Variants in WT1 observed in about 807,000 individuals in gnomAD.
The protein encoded by WT1 is WT1 transcription factor, also known as Wilms tumor protein.
A neutral mutation model predicts 60.8 loss-of-function variants in WT1; 8 were observed. That is an observed-to-expected ratio of 0.13 (90% CI 0.08 to 0.24). The LOEUF is 0.24. Among genes scored for constraint, WT1 ranks in the 10% least tolerant of loss-of-function variants. The pLI, the probability that WT1 is intolerant of heterozygous loss-of-function variation, is 1.00. For missense variants in WT1, 568 were observed against 711.8 expected (o/e 0.80, Z 2.30); for synonymous variants, 312 against 297.1 (o/e 1.05, Z -0.52).
At chr11:32,431,052 G>A (rs576486757) in intron 1 of WT1, among the ~76,000 whole-genome samples, 2 of 152,148 alleles carry the variant, frequency 1.3e-5, no homozygotes, top group Non-Finnish European at 2.9e-5. Context: ...GTCCCGGCCC[G>A]GGAGGGGAGC....
At chr11:32,429,462 T>TTCC (rs1491447843) in intron 1 of WT1, among the ~76,000 whole-genome samples, 3 of 124,626 alleles carry the variant, frequency 2.4e-5, no homozygotes, top group Admixed American at 8.4e-5. Context: ...ATCCTAGCAT[T>TTCC]CCCCCCCCCC....
At chr11:32,430,101 G>C (rs1399140670) in intron 1 of WT1, among the ~76,000 whole-genome samples, 1 of 152,050 alleles carries the variant, frequency 6.6e-6, no homozygotes, top group Non-Finnish European at 1.5e-5. Context: ...CTCCCGGATA[G>C]TACAGGTCCA....
At chr11:32,391,341 C>A in intron 9 of WT1, among the ~76,000 whole-genome samples, 1 of 152,314 alleles carries the variant, frequency 6.6e-6, no homozygotes, top group Non-Finnish European at 1.5e-5. Context: ...TAAATATTAA[C>A]GCTCTTTCCA....
chr11:32,403,261 A>G (rs1259785771), intron 5 of WT1, among the ~76,000 whole-genome samples: 1 of 152,074 alleles, frequency 6.6e-6, no homozygotes, highest in Non-Finnish European at 1.5e-5. Context: ...ACACTTCCCA[A>G]TGTAGTGTGC....
chr11:32,407,027 A>C (rs966407456), intron 5 of WT1, among the ~76,000 whole-genome samples: 4 of 152,108 alleles, frequency 2.6e-5, no homozygotes, highest in African/African-American at 9.7e-5. Flanking sequence ...TGAATCCGGG[A>C]GGCAGAGTTT....
intron 5 of WT1, among the ~76,000 whole-genome samples, chr11:32,408,514 T>TAAAAAAAAAAAAA (rs58685266): frequency 6.7e-5 from 5 of 74,234 alleles, no homozygotes; most frequent in Admixed American, 1.6e-4. Context: ...GACTACGTCT[T>TAAAAAAAAAAAAA]AAAAAAAAAA....
At position 32,429,462 on chromosome 11, in the gene WT1, T is replaced by TCCC. The variant is rs10580209; in HGVS notation, c.662-846_662-844dup. ...TTTCCCCCTAGGGAAATCCTAGCAT[T>TCCC]CCCCCCCCCCCCCAAAGTGAGAAAA... On this transcript the variant is annotated intron_variant, in intron 1 of 9. Coordinates refer to ENST00000452863, the MANE Select transcript of WT1 (RefSeq NM_024426.6). Among the ~76,000 whole-genome samples, 13 of 124,712 alleles carry TCCC rather than the reference T, an allele frequency of 1.0e-4. 1 individual carries two copies. The highest frequency in any genetic ancestry group is 4.6e-4 in the East Asian group (2 of 4,362). The allele number at this position is 124,712 out of a possible 152,430, so 81.8% of individuals were successfully genotyped here. A position where few individuals can be genotyped will look rare whatever the true frequency, so the allele number is the denominator to read the frequency against.
chr11:32,419,709 C>T (rs1166492198), intron 3 of WT1, among the ~76,000 whole-genome samples: 1 of 152,030 alleles, frequency 6.6e-6, no homozygotes, highest in Middle Eastern at 3.2e-3. Context: ...CATTTTTTTC[C>T]GTTAGACGGA....
chr11:32,413,404 T>C (rs1346414280), intron 5 of WT1, among the ~76,000 whole-genome samples: 1 of 152,212 alleles, frequency 6.6e-6, no homozygotes, highest in Non-Finnish European at 1.5e-5. Context: ...TTTCATACCA[T>C]GGCAAAAGAA....
chr11:32,414,872 CAAAAAAA>C (rs551997180), intron 5 of WT1, among the ~76,000 whole-genome samples: 7 of 88,750 alleles, frequency 7.9e-5, no homozygotes, highest in Middle Eastern at 6.5e-3. Context: ...GACTCCATAT[CAAAAAAA>C]AAAAAAAAAA....
intron 1 of WT1, among the ~76,000 whole-genome samples, chr11:32,433,824 C>T (rs981704753): frequency 1.3e-5 from 2 of 152,202 alleles, no homozygotes; most frequent in African/African-American, 2.4e-5. Context: ...AGCGAATAAC[C>T]CTGTCCTTGT....
intron 3 of WT1, among the ~76,000 whole-genome samples, chr11:32,419,322 T>C (rs1013845288): frequency 6.6e-6 from 1 of 152,206 alleles, no homozygotes; most frequent in African/African-American, 2.4e-5. Context: ...CTGCGCCTTT[T>C]CATCAAGCAA....
Position 32,388,454 on chromosome 11 carries a change from T to G in WT1, c.*604A>C, listed in dbSNP as rs766220081. 3.4e-5 allele frequency: 8 copies of G among 237,772 alleles called. No individual in the cohort carries two copies. The highest frequency in any genetic ancestry group is 6.6e-5 in the Non-Finnish European group (8 of 120,374). The allele number at this position is 237,772 out of a possible 1,614,324, so 14.7% of individuals were successfully genotyped here. On this transcript the variant is annotated 3_prime_UTR_variant, in exon 10 of 10. Coordinates refer to ENST00000452863, the MANE Select transcript of WT1 (RefSeq NM_024426.6). ...ATACAGAGGTACTGGTTAGTTCTGATTTTTTCTTCAGCTGCTTGAAATGCA... is the reference window on the plus strand; with the variant it reads ...ATACAGAGGTACTGGTTAGTTCTGAGTTTTTCTTCAGCTGCTTGAAATGCA...
chr11:32,392,135 C>A, intron 8 of WT1, 71 bp from the exon 9 acceptor site: 2 of 1,411,770 alleles, frequency 1.4e-6, no homozygotes. Context: ...AGGCTGACTT[C>A]CGGCAGCTGG....
chr11:32,428,412 T>C, intron 2 of WT1, 85 bp downstream of exon 2: 1 of 1,602,418 alleles, frequency 6.2e-7, no homozygotes, highest in Admixed American at 1.7e-5. Flanking sequence ...CTTTGCCTAA[T>C]TTGCTGTGGG....
intron 3 of WT1, among the ~76,000 whole-genome samples, chr11:32,423,024 C>T (rs1212855839): frequency 2.0e-5 from 3 of 152,244 alleles, no homozygotes; most frequent in African/African-American, 7.2e-5. Flanking sequence ...GGACTGGGGT[C>T]TCCGAGGAAG....
At chr11:32,434,576 C>G in intron 1 of WT1, 124 bp downstream of exon 1, 2 of 1,537,072 alleles carry the variant, frequency 1.3e-6, no homozygotes. Context: ...GCTATCCTCA[C>G]GGCCCTTGGG....
At chr11:32,389,324 T>C (rs1231392490) in intron 9 of WT1, 145 bp from the exon 10 acceptor site, 4 of 1,373,742 alleles carry the variant, frequency 2.9e-6, no homozygotes, top group Non-Finnish European at 4.1e-6. Flanking sequence ...TGAGCTCATT[T>C]CCCAGGCAGC....
At chr11:32,417,760 C>T in intron 3 of WT1, 106 bp from the exon 4 acceptor site, 1 of 925,860 alleles carries the variant, frequency 1.1e-6, no homozygotes. Context: ...TGCAAGCCTC[C>T]ACATTTTCCA....
Sources: allele counts gnomAD v4.1 joint callset (sites outside exome capture counted in the v4.1 genomes callset), GRCh38; gene constraint gnomAD v4.1.1; transcripts MANE v1.5; gene names NCBI Gene and HGNC (gene_info 2026-07-23, HGNC 2026-07-21).